The following CNTNAP5 variants were observed in gnomAD, a reference collection of about 807,000 sequenced individuals.
CNTNAP5 encodes contactin associated protein family member 5.
Under a neutral mutation model 150.2 loss-of-function variants are expected in CNTNAP5, and 72 were observed. That is an observed-to-expected ratio of 0.48 (90% CI 0.40 to 0.58). The LOEUF (loss-of-function observed/expected upper bound fraction) is 0.58. CNTNAP5 is among the 20% of genes least tolerant of loss of function. The pLI, the probability that CNTNAP5 is intolerant of heterozygous loss-of-function variation, is 0.00. For missense variants in CNTNAP5, 1,636 were observed against 1,626.2 expected (o/e 1.01, Z -0.10); for synonymous variants, 672 against 619.8 (o/e 1.08, Z -1.25).
intron 1 of CNTNAP5, among the ~76,000 whole-genome samples, chr2:124,031,541 T>C (rs950336328): frequency 6.6e-6 from 1 of 152,232 alleles, no homozygotes; most frequent in Middle Eastern, 3.4e-3. Flanking sequence ...AGCTGAAAAA[T>C]GAGCCCCTGC....
intron 3 of CNTNAP5, among the ~76,000 whole-genome samples, chr2:124,362,081 G>T (rs972630362): frequency 5.9e-5 from 9 of 152,332 alleles, no homozygotes; most frequent in South Asian, 4.1e-4. Context: ...TCCCGGTGCT[G>T]TCCGTCACCC....
At chr2:124,397,524 G>A (rs1455916052) in intron 3 of CNTNAP5, among the ~76,000 whole-genome samples, 1 of 152,128 alleles carries the variant, frequency 6.6e-6, no homozygotes, top group Non-Finnish European at 1.5e-5. Flanking sequence ...TGTGACAGTG[G>A]CATTAGAATT....
At chr2:124,855,066 T>C (rs17012083) in intron 19 of CNTNAP5, among the ~76,000 whole-genome samples, 29,408 of 150,178 alleles carry the variant, frequency 0.2, 3,485 homozygotes, top group African/African-American at 0.33. Context: ...TAAGATATAA[T>C]AATACATACA....
chr2:124,362,206 G>C (rs542773150), intron 3 of CNTNAP5, among the ~76,000 whole-genome samples: 141 of 152,326 alleles, frequency 9.3e-4, no homozygotes, highest in Non-Finnish European at 1.6e-3. Context: ...TGCGCCCACT[G>C]TCTGGCACTC....
At chr2:124,369,741 A>G (rs1690471452) in intron 3 of CNTNAP5, among the ~76,000 whole-genome samples, 1 of 152,198 alleles carries the variant, frequency 6.6e-6, no homozygotes. Context: ...ATGTATGCAT[A>G]TGTCACATGT....
intron 1 of CNTNAP5, among the ~76,000 whole-genome samples, chr2:124,044,179 C>T (rs547225323): frequency 1.3e-4 from 20 of 152,300 alleles, no homozygotes; most frequent in East Asian, 3.9e-4. Flanking sequence ...GTACTGCTTA[C>T]GGTGTGCCAG....
chr2:124,111,543 T>C, intron 1 of CNTNAP5, among the ~76,000 whole-genome samples: 1 of 152,078 alleles, frequency 6.6e-6, no homozygotes, highest in Non-Finnish European at 1.5e-5. Context: ...CTCCTCAAAA[T>C]CCAAATCACC....
chr2:124,254,865 A>G (rs1430614088), intron 3 of CNTNAP5, among the ~76,000 whole-genome samples: 1 of 152,176 alleles, frequency 6.6e-6, no homozygotes, highest in East Asian at 1.9e-4. Flanking sequence ...TAATTTCTAG[A>G]AGCATGCAGT....
intron 12 of CNTNAP5, among the ~76,000 whole-genome samples, chr2:124,611,336 T>C (rs1182823532): frequency 6.6e-6 from 1 of 152,210 alleles, no homozygotes; most frequent in African/African-American, 2.4e-5. Context: ...GCACAGTAAT[T>C]TGCCCATCTG....
intron 10 of CNTNAP5, among the ~76,000 whole-genome samples, chr2:124,549,349 T>C (rs1256027179): frequency 1.3e-5 from 2 of 152,210 alleles, no homozygotes; most frequent in African/African-American, 4.8e-5. Context: ...ACCTGTGTCC[T>C]TTTTGGCTTG....
chr2:124,073,993 G>A (rs978153748), intron 1 of CNTNAP5, among the ~76,000 whole-genome samples: 1 of 152,010 alleles, frequency 6.6e-6, no homozygotes, highest in African/African-American at 2.4e-5. Flanking sequence ...ACACAATGGA[G>A]TACTATTTAT....
intron 1 of CNTNAP5, among the ~76,000 whole-genome samples, chr2:124,163,673 A>G (rs563943377): frequency 1.3e-5 from 2 of 152,240 alleles, no homozygotes; most frequent in Non-Finnish European, 2.9e-5. Flanking sequence ...GCACTACAAA[A>G]AAGTTACTAC....
At chr2:124,221,166 T>G (rs1038160723) in intron 1 of CNTNAP5, among the ~76,000 whole-genome samples, 1 of 152,150 alleles carries the variant, frequency 6.6e-6, no homozygotes, top group Non-Finnish European at 1.5e-5. Context: ...TAGAAATAAG[T>G]TCTCAGAATA....
chr2:124,660,574 A>G (rs919942277), intron 13 of CNTNAP5, among the ~76,000 whole-genome samples: 4 of 152,186 alleles, frequency 2.6e-5, no homozygotes, highest in Non-Finnish European at 5.9e-5. Flanking sequence ...TTTAACATGT[A>G]ATTAGTAAAG....
At chr2:124,041,886 GA>G (rs1558735034) in intron 1 of CNTNAP5, among the ~76,000 whole-genome samples, 4 of 152,244 alleles carry the variant, frequency 2.6e-5, no homozygotes, top group Admixed American at 1.3e-4. Context: ...ATTTGAGACA[GA>G]GTCTCACTCT....
At chr2:124,611,939 AC>A (rs1677393117) in intron 12 of CNTNAP5, among the ~76,000 whole-genome samples, 1 of 152,176 alleles carries the variant, frequency 6.6e-6, no homozygotes, top group South Asian at 2.1e-4. Flanking sequence ...TCTCCATCTA[AC>A]GTAGAAGGGA....
intron 4 of CNTNAP5, among the ~76,000 whole-genome samples, chr2:124,419,282 G>A (rs972955748): frequency 1.1e-4 from 16 of 150,900 alleles, no homozygotes; most frequent in Non-Finnish European, 1.9e-4. Context: ...CTTTTTCTCA[G>A]TCTGTTCAGT....
chr2:124,917,059 C>A lies in CNTNAP5; in HGVS notation c.*2771C>A, dbSNP rs1022151222. Among the ~76,000 whole-genome samples the A allele has an allele frequency of 2.0e-5, 3 of 152,042 alleles. No homozygotes were observed. The highest frequency in any genetic ancestry group is 7.2e-5 in the African/African-American group (3 of 41,428). The stretch of plus-strand genomic sequence containing the variant: ...TGTTCAATTGTGTGAGTGTTTTAAT[C>A]CTTCTGCAATTATCATCTCGAAGGA... On this transcript the variant is annotated 3_prime_UTR_variant, in exon 24 of 24. Transcript: ENST00000682447.
chr2:124,687,342 A>C lies in CNTNAP5; in HGVS notation c.2077+39384A>C, dbSNP rs917347581. ...CAGGTCTTCACTTAACAACCACCCA[A>C]TTTATCTAGATGACTGTGGGTGGTG... On this transcript the variant is annotated intron_variant, in intron 13 of 23. Transcript: ENST00000682447. 2.6e-5 allele frequency among the ~76,000 whole-genome samples: 4 copies of C among 151,940 alleles called. No homozygotes were observed. In the South Asian group the frequency reaches 8.3e-4, roughly 31 times the overall value.
Sources: gnomAD v4.1 joint callset for allele counts (sites outside exome capture counted in the v4.1 genomes callset) on GRCh38, gnomAD v4.1.1 for gene constraint, MANE v1.5 for transcripts, NCBI Gene and HGNC (gene_info 2026-07-23, HGNC 2026-07-21) for gene names.